PSD3: variants seen among roughly 807,000 people sequenced by gnomAD.
PSD3 encodes the protein pleckstrin and Sec7 domain containing 3.
PSD3 carries 49 observed loss-of-function variants against 105.5 expected under a neutral mutation model. That is an observed-to-expected ratio of 0.46 (90% CI 0.37 to 0.59). The LOEUF (loss-of-function observed/expected upper bound fraction) is 0.59. Among genes scored for constraint, PSD3 ranks in the 20% least tolerant of loss-of-function variants. PSD3 has a pLI of 0.00. For missense variants in PSD3, 1,561 were observed against 1,263.8 expected, an observed-to-expected ratio of 1.24 and a Z score of -3.57; for synonymous variants, 557 against 457.8, an observed-to-expected ratio of 1.22 and a Z score of -2.77.
intron 2 of PSD3, among the ~76,000 whole-genome samples, chr8:18,925,408 C>T (rs202180312): frequency 3.5e-4 from 49 of 138,584 alleles, no homozygotes; most frequent in East Asian, 2.8e-3. Context: ...TATATATATA[C>T]ACACACACAC....
chr8:18,976,302 T>C (rs1281304429), intron 1 of PSD3, among the ~76,000 whole-genome samples: 1 of 152,226 alleles, frequency 6.6e-6, no homozygotes, highest in Non-Finnish European at 1.5e-5. Context: ...AGATACATTG[T>C]ATAACCTTAT....
chr8:18,648,942 A>C (rs1808259862), intron 10 of PSD3, among the ~76,000 whole-genome samples: 1 of 152,272 alleles, frequency 6.6e-6, no homozygotes, highest in Non-Finnish European at 1.5e-5. Context: ...GCAAGAGTTA[A>C]GGCTTCGGAG....
At chr8:18,954,041 T>C (rs1823404368) in intron 1 of PSD3, among the ~76,000 whole-genome samples, 1 of 152,088 alleles carries the variant, frequency 6.6e-6, no homozygotes, top group African/African-American at 2.4e-5. Flanking sequence ...GCTTGCTCAG[T>C]GAGAATGGAT....
chr8:18,779,246 C>A (rs1808382303), intron 8 of PSD3, among the ~76,000 whole-genome samples: 1 of 152,114 alleles, frequency 6.6e-6, no homozygotes, highest in Non-Finnish European at 1.5e-5. Context: ...GACAGTTGTT[C>A]ACGATAGTCT....
At chr8:18,964,072 A>C (rs1321754403) in intron 1 of PSD3, among the ~76,000 whole-genome samples, 2 of 152,242 alleles carry the variant, frequency 1.3e-5, no homozygotes, top group Non-Finnish European at 2.9e-5. Flanking sequence ...CAATTAAAGT[A>C]AGAGTTACAA....
intron 15 of PSD3, among the ~76,000 whole-genome samples, chr8:18,549,388 T>C (rs763432682): frequency 1.8e-4 from 27 of 152,122 alleles, no homozygotes; most frequent in African/African-American, 6.5e-4. Context: ...TTTGTATTTT[T>C]AATTGAGACG....
In PSD3 at chr8:19,024,612, G is replaced by A. The variant is rs537770966; in HGVS notation, c.324+59594C>T. 3.9e-5 allele frequency among the ~76,000 whole-genome samples: 6 copies of A among 152,308 alleles called. No homozygotes were observed. The South Asian group carries it at 8.3e-4, about 21-fold the overall frequency. On this transcript the variant is annotated intron_variant, in intron 1 of 1. Coordinates refer to the PSD3 transcript ENST00000521475. Reference sequence around the variant, plus strand: ...TGTTAATGAGGTGACTTAGGATGGAGCCCCTAGACTGCCCAAGGATGGAGT... The same window carrying A: ...TGTTAATGAGGTGACTTAGGATGGAACCCCTAGACTGCCCAAGGATGGAGT...
At chr8:18,828,067 A>ATATTTT (rs371473289) in intron 4 of PSD3, among the ~76,000 whole-genome samples, 5 of 118,894 alleles carry the variant, frequency 4.2e-5, no homozygotes, top group African/African-American at 1.8e-4. Context: ...ATATATATAT[A>ATATTTT]TTTTTTTTTT....
intron 9 of PSD3, among the ~76,000 whole-genome samples, chr8:18,666,731 T>TGGGGGGGGG (rs1491016179): frequency 8.1e-6 from 1 of 123,840 alleles, no homozygotes; most frequent in African/African-American, 3.1e-5. Flanking sequence ...TTTTGGGGGG[T>TGGGGGGGGG]GGGGGGAAGT....
At chr8:18,840,893 T>C (rs990492605) in intron 4 of PSD3, among the ~76,000 whole-genome samples, 4 of 152,204 alleles carry the variant, frequency 2.6e-5, no homozygotes, top group Non-Finnish European at 4.4e-5. Flanking sequence ...ATTGGGCAAG[T>C]TGTCTTACTT....
chr8:19,052,118 A>G (rs1828549665), intron 1 of PSD3, among the ~76,000 whole-genome samples: 1 of 152,178 alleles, frequency 6.6e-6, no homozygotes, highest in African/African-American at 2.4e-5. Flanking sequence ...GGAGGCTGGA[A>G]GAGAGCAAGG....
intron 10 of PSD3, among the ~76,000 whole-genome samples, chr8:18,643,706 G>A (rs528692749): frequency 1.2e-3 from 185 of 152,348 alleles, no homozygotes; most frequent in African/African-American, 4.3e-3. Flanking sequence ...TGAAAACACT[G>A]GAATTGGGGT....
chr8:18,852,933 G>C (rs769273348), intron 4 of PSD3, among the ~76,000 whole-genome samples: 2 of 152,100 alleles, frequency 1.3e-5, no homozygotes, highest in Non-Finnish European at 2.9e-5. Flanking sequence ...CACCCCTCAT[G>C]TTAGATACTA....
chr8:18,659,917 T>C (rs902946033), intron 9 of PSD3, among the ~76,000 whole-genome samples: 2 of 152,144 alleles, frequency 1.3e-5, no homozygotes, highest in Admixed American at 6.5e-5. Context: ...GGGAGAAACA[T>C]TGCTATGGAC....
At chr8:18,730,180 C>T (rs1026501707) in intron 9 of PSD3, 1 of 152,082 alleles carries the variant, frequency 6.6e-6, no homozygotes, top group Admixed American at 6.5e-5. Flanking sequence ...GAAATGTTTC[C>T]GTGGGACAGC....
chr8:18,795,966 T>C (rs538072186), intron 8 of PSD3, among the ~76,000 whole-genome samples: 43 of 152,336 alleles, frequency 2.8e-4, no homozygotes, highest in Admixed American at 4.6e-4. Flanking sequence ...TGTGTAGAAG[T>C]TTAATTTACA....
chr8:18,882,452 C>A (rs1818168172), intron 2 of PSD3, among the ~76,000 whole-genome samples: 1 of 152,086 alleles, frequency 6.6e-6, no homozygotes, highest in Non-Finnish European at 1.5e-5. Flanking sequence ...GAGAAAAGGG[C>A]AACAAACAAG....
At chr8:19,029,172 T>C (rs1827670249) in intron 1 of PSD3, among the ~76,000 whole-genome samples, 1 of 152,182 alleles carries the variant, frequency 6.6e-6, no homozygotes, top group Non-Finnish European at 1.5e-5. Context: ...AAATTGAGAA[T>C]CAATATATTA....
chr8:19,054,827 A>C (rs115114706), intron 1 of PSD3, among the ~76,000 whole-genome samples: 316 of 152,332 alleles, frequency 2.1e-3, no homozygotes, highest in African/African-American at 7.1e-3. Context: ...GGCTTGGAGA[A>C]CCTTTAAACT....
Sources: allele counts gnomAD v4.1 joint callset (sites outside exome capture counted in the v4.1 genomes callset), GRCh38; gene constraint gnomAD v4.1.1; transcripts MANE v1.5; gene names NCBI Gene and HGNC (gene_info 2026-07-23, HGNC 2026-07-21).